The following LTBP1 variants were observed in gnomAD, a reference collection of about 807,000 sequenced individuals.
The protein encoded by LTBP1 is latent transforming growth factor beta binding protein 1.
LTBP1 carries 129 observed loss-of-function variants against 207.6 expected under a neutral mutation model. The observed-to-expected ratio is 0.62, with a 90% CI of 0.54 to 0.72. The LOEUF is 0.72. Ranked by LOEUF, LTBP1 falls within the 30% of genes least tolerant of loss-of-function variation. The pLI is 0.00. For missense variants in LTBP1, 2,281 were observed against 2,217.2 expected (o/e 1.03, Z -0.58); for synonymous variants, 963 against 833.7 (o/e 1.16, Z -2.67).
chr2:33,336,416 T>C (rs2094554071), intron 24 of LTBP1, among the ~76,000 whole-genome samples: 1 of 152,230 alleles, frequency 6.6e-6, no homozygotes, highest in Non-Finnish European at 1.5e-5. Context: ...GCTAACTGAC[T>C]ATGTAACCTT....
At chr2:33,143,789 T>G (rs2082811633) in intron 5 of LTBP1, among the ~76,000 whole-genome samples, 1 of 70,960 alleles carries the variant, frequency 1.4e-5, no homozygotes, top group African/African-American at 5.5e-5. Flanking sequence ...TTTTTGTTGT[T>G]TTTTTTTTTT....
intron 2 of LTBP1, among the ~76,000 whole-genome samples, chr2:32,999,746 T>C (rs1685813936): frequency 7.6e-6 from 1 of 132,150 alleles, no homozygotes; most frequent in Non-Finnish European, 1.7e-5. Context: ...ACAAATTAGC[T>C]GGGCATGGTG....
chr2:33,356,021 G>C (rs778036736), intron 26 of LTBP1, among the ~76,000 whole-genome samples: 8 of 151,774 alleles, frequency 5.3e-5, no homozygotes, highest in Non-Finnish European at 1.2e-4. Context: ...AACACCAGGG[G>C]TTTGGTCTAG....
chr2:32,962,549 G>C (rs556567219), intron 2 of LTBP1, among the ~76,000 whole-genome samples: 3 of 152,166 alleles, frequency 2.0e-5, no homozygotes, highest in Non-Finnish European at 4.4e-5. Flanking sequence ...CGTTTGTTTC[G>C]AGTGGAAGAC....
At chr2:33,215,549 A>C (rs1312928156) in intron 7 of LTBP1, among the ~76,000 whole-genome samples, 1 of 152,196 alleles carries the variant, frequency 6.6e-6, no homozygotes, top group Non-Finnish European at 1.5e-5. Context: ...AGAATGTTGC[A>C]TGCTTGGACC....
At chr2:33,108,775 G>T (rs2080219891) in intron 3 of LTBP1, among the ~76,000 whole-genome samples, 1 of 152,160 alleles carries the variant, frequency 6.6e-6, no homozygotes, top group Admixed American at 6.5e-5. Flanking sequence ...AGATGCGGAG[G>T]ATTCCTCTTT....
At chr2:33,171,847 A>G (rs1320363295) in intron 5 of LTBP1, among the ~76,000 whole-genome samples, 2 of 152,234 alleles carry the variant, frequency 1.3e-5, no homozygotes, top group Non-Finnish European at 2.9e-5. Flanking sequence ...AGTGGGGGCC[A>G]ATATTCAACA....
intron 9 of LTBP1, among the ~76,000 whole-genome samples, chr2:33,225,846 T>C (rs1480214731): frequency 6.6e-6 from 1 of 152,216 alleles, no homozygotes; most frequent in East Asian, 1.9e-4. Flanking sequence ...TAACTTTCTG[T>C]TCCTGGCTGA....
chr2:33,379,967 G>A (rs1031882785), intron 31 of LTBP1, among the ~76,000 whole-genome samples: 7 of 152,064 alleles, frequency 4.6e-5, no homozygotes, highest in South Asian at 2.1e-4. Context: ...ATTAAAATAC[G>A]TTAAAACACA....
intron 3 of LTBP1, among the ~76,000 whole-genome samples, chr2:33,071,278 T>C (rs2077772621): frequency 6.6e-6 from 1 of 152,230 alleles, no homozygotes; most frequent in Non-Finnish European, 1.5e-5. Context: ...GGCCTCTCCA[T>C]AGGACAGCTA....
chr2:33,099,388 C>T (rs975848415), intron 3 of LTBP1, among the ~76,000 whole-genome samples: 7 of 152,220 alleles, frequency 4.6e-5, no homozygotes, highest in African/African-American at 1.4e-4. Context: ...GAAAATAAAA[C>T]CCTGAGAGAT....
chr2:33,365,806 T>C (rs1448485599), intron 31 of LTBP1, among the ~76,000 whole-genome samples: 2 of 152,230 alleles, frequency 1.3e-5, no homozygotes, highest in African/African-American at 2.4e-5. Context: ...AATTTATATT[T>C]CCTGGCAGTT....
At chr2:33,301,857 C>G (rs1259811009) in intron 22 of LTBP1, among the ~76,000 whole-genome samples, 1 of 152,176 alleles carries the variant, frequency 6.6e-6, no homozygotes, top group African/African-American at 2.4e-5. Context: ...GTCTTTTAGA[C>G]TTGTGCCAGC....
chr2:33,100,611 G>A (rs1043337584), intron 3 of LTBP1, among the ~76,000 whole-genome samples: 11 of 152,020 alleles, frequency 7.2e-5, no homozygotes, highest in Non-Finnish European at 1.2e-4. Flanking sequence ...TACATGCACC[G>A]TGCTGTGCAA....
At chr2:33,201,177 C>T (rs1450856134) in intron 7 of LTBP1, among the ~76,000 whole-genome samples, 22 of 152,198 alleles carry the variant, frequency 1.4e-4, no homozygotes, top group African/African-American at 4.1e-4. Flanking sequence ...CACATGCACA[C>T]GTATGTTTAT....
In LTBP1 at chr2:33,154,666, AC is replaced by A. The variant is rs576067090; in HGVS notation, c.1201+19707del. 3.4e-3 allele frequency among the ~76,000 whole-genome samples: 523 copies of A among 152,356 alleles called. 3 individuals carry two copies. Among genetic ancestry groups the A allele is most frequent in the African/African-American group, 0.012 (497 of 41,578 alleles). On this transcript the variant is annotated intron_variant, in intron 5 of 33. Coordinates refer to ENST00000404816, the MANE Select transcript of LTBP1 (RefSeq NM_206943.4). ...CAGTGAATAATGAAAGTCTTAGTAT[AC>A]ATTTGTGAATATCTAGGATAAATTC...
intron 22 of LTBP1, 72 bp downstream of exon 22, chr2:33,301,716 T>A: frequency 7.4e-7 from 1 of 1,353,906 alleles, no homozygotes; most frequent in Non-Finnish European, 9.9e-7. Flanking sequence ...CATCTCAGCC[T>A]TGATCTTTGA....
chr2:33,305,204 G>A (rs752788353), intron 22 of LTBP1, among the ~76,000 whole-genome samples: 5 of 151,856 alleles, frequency 3.3e-5, no homozygotes, highest in African/African-American at 7.3e-5. Context: ...TGTGCCTGTA[G>A]TCCCAACTAC....
intron 31 of LTBP1, among the ~76,000 whole-genome samples, chr2:33,366,403 A>G (rs1032828646): frequency 6.6e-6 from 1 of 152,272 alleles, no homozygotes; most frequent in South Asian, 2.1e-4. Flanking sequence ...TAATTCAATT[A>G]GAATATTTCT....
Sources: allele counts gnomAD v4.1 joint callset (sites outside exome capture counted in the v4.1 genomes callset), GRCh38; gene constraint gnomAD v4.1.1; transcripts MANE v1.5; gene names NCBI Gene and HGNC (gene_info 2026-07-23, HGNC 2026-07-21).